NAGPA: variants seen among roughly 807,000 people sequenced by gnomAD.
NAGPA encodes N-acetylglucosamine-1-phosphodiester alpha-N-acetylglucosaminidase.
NAGPA carries 56 observed loss-of-function variants against 48.5 expected under a neutral mutation model. The observed-to-expected ratio is 1.15, with a 90% CI of 0.93 to 1.44. The LOEUF (loss-of-function observed/expected upper bound fraction) is 1.44. Among genes scored for constraint, NAGPA ranks in the 40% most tolerant of loss-of-function variants. The probability of loss-of-function intolerance (pLI) is 0.00; values close to 1 mark genes in which losing one functional copy is unlikely to be tolerated. For missense variants in NAGPA, 888 were observed against 735.0 expected (o/e 1.21, Z -2.41); for synonymous variants, 399 against 315.5 (o/e 1.26, Z -2.81).
At position 5,033,704 on chromosome 16, in the gene NAGPA, T is replaced by G; in HGVS notation, c.111A>C (p.Leu37=). ...GCGCGCGCGCGCGTGGATAGGGCAG[T>G]AGCAAGTCGTCGTCGCGGGAGGCCC... ...DSGASRDDDL[L]LPYPRARARL... is the part of the protein sequence containing the mutation. The change falls in exon 2 of 10, where the codon CTA becomes CTC. Residue 37 remains leucine, a synonymous_variant. Transcript: ENST00000312251. The surrounding 1 kb of genome is among the most constrained non-coding windows in gnomAD (Gnocchi z 4.2). The G allele has an allele frequency of 6.2e-7, 1 of 1,602,040 alleles. No homozygotes were observed. Among genetic ancestry groups the G allele is most frequent in the Non-Finnish European group, 8.5e-7 (1 of 1,177,574 alleles).
Position 5,028,965 on chromosome 16 carries a change from C to A in NAGPA, c.835G>T (p.Val279Leu), listed in dbSNP as rs770833107. 1 of 1,613,984 alleles carries A rather than the reference C, an allele frequency of 6.2e-7. No homozygotes were observed. Among genetic ancestry groups the A allele is most frequent in the South Asian group, 1.1e-5 (1 of 91,086 alleles). The change falls in exon 5 of 10, where the codon GTG becomes TTG. Residue 279 changes from valine (V) to leucine (L), a missense_variant. Transcript: ENST00000312251. The stretch of plus-strand genomic sequence containing the variant: ...CCATCCAGGTTGATGGCGTTGACCA[C>A]GTCCTGTTTCAGCAGGAACTCCGCC... The part of the protein sequence containing the change: ...EMAEFLLKQD[V>L]VNAINLDGGG...
In NAGPA at chr16:5,033,707, C is replaced by A; in HGVS notation, c.108G>T (p.Leu36Phe). ...CGCGCGCGCGTGGATAGGGCAGTAG[C>A]AAGTCGTCGTCGCGGGAGGCCCTGC... Reference protein sequence around the residue: ...LDSGASRDDDLLLPYPRARAR... With the variant: ...LDSGASRDDDFLLPYPRARAR... The change falls in exon 2 of 10, where the codon TTG (leucine) becomes TTT (phenylalanine). Residue 36 changes from leucine (L) to phenylalanine (F), a missense_variant. Transcript: ENST00000312251. The surrounding 1 kb of genome is among the most constrained non-coding windows in gnomAD (Gnocchi z 4.2). 1 of 1,602,908 alleles carries A rather than the reference C, an allele frequency of 6.2e-7. No homozygotes were observed. Among genetic ancestry groups the A allele is most frequent in the Non-Finnish European group, 8.5e-7 (1 of 1,177,652 alleles).
intron 3 of NAGPA, chr16:5,030,757 G>C: frequency 3.8e-6 from 2 of 523,118 alleles, no homozygotes; most frequent in South Asian, 2.0e-5. Context: ...AAAATCCAAA[G>C]AGCCAGCATG....
chr16:5,033,208 G>T lies in NAGPA; in HGVS notation c.542+65C>A. 6.6e-7 allele frequency: 1 copy of T among 1,521,424 alleles called. No homozygotes were observed. Among genetic ancestry groups the T allele is most frequent in the Non-Finnish European group, 8.8e-7 (1 of 1,133,358 alleles). 94.2% of individuals were successfully genotyped at this position (1,521,424 alleles called of 1,614,324 possible). A position where few individuals can be genotyped will look rare whatever the true frequency, so the allele number is the denominator to read the frequency against. ...TTGGTTAAGTGACTTGAACACGGAG[G>T]CACGGCTACAACCCAAATCTCAGGC... On this transcript the variant is annotated intron_variant, in intron 2 of 9. Coordinates refer to ENST00000312251, the MANE Select transcript of NAGPA (RefSeq NM_016256.4). This position sits in a 1 kb window ranked among gnomAD's most constrained non-coding sequence, Gnocchi z 4.2.
chr16:5,027,089 G>C (rs1387209782), intron 9 of NAGPA, 46 bp downstream of exon 9: 3 of 1,603,684 alleles, frequency 1.9e-6, no homozygotes, highest in Non-Finnish European at 8.5e-7. Context: ...CGGGAGAGAA[G>C]GGGGATTCCT....
In NAGPA at chr16:5,028,079, C is replaced by T. The variant is rs138879372; in HGVS notation, c.1027G>A (p.Gly343Arg). The T allele has an allele frequency of 8.7e-6, 14 of 1,613,328 alleles. No homozygotes were observed. The highest frequency in any genetic ancestry group is 6.7e-5 in the African/African-American group (5 of 74,906). Residue 343 changes from glycine (G) to arginine (R), a missense_variant, in exon 6 of 10, where the codon GGG (glycine) becomes AGG (arginine). Coordinates refer to ENST00000312251, the MANE Select transcript of NAGPA (RefSeq NM_016256.4). Reference protein sequence around the residue: ...DCHGHGTCVDGHCQCTGHFWR... With the variant: ...DCHGHGTCVDRHCQCTGHFWR... The stretch of plus-strand genomic sequence containing the variant: ...AAGTGCCCGGTGCATTGGCAGTGCC[C>T]GTCCACGCAGGTCCCGTGGCCGTGG...
At position 5,033,360 on chromosome 16, in the gene NAGPA, A is replaced by G. The variant is rs189630368; in HGVS notation, c.455T>C (p.Val152Ala). ...RMNSGECLGN[V>A]VSDERRVSSS... is the part of the protein sequence containing the mutation. ...GCTCACCCGCCGCTCGTCGCTCACC[A>G]CGTTCCCCAGGCACTCGCCCGAGTT... The change falls in exon 2 of 10, where the codon GTG (valine) becomes GCG (alanine). Residue 152 changes from valine (V) to alanine (A), a missense_variant. Val to Ala is a moderately conservative substitution (Grantham distance 64). Transcript: ENST00000312251. The surrounding 1 kb of genome is among the most constrained non-coding windows in gnomAD (Gnocchi z 4.2). 2.1e-4 allele frequency: 333 copies of G among 1,597,848 alleles called. No individual in the cohort carries two copies. In the Middle Eastern group the frequency reaches 3.8e-3, roughly 18 times the overall value.
At chr16:5,032,002 C>A (rs559757417) in intron 2 of NAGPA, 118 bp from the exon 3 acceptor site, 1 of 1,342,038 alleles carries the variant, frequency 7.5e-7, no homozygotes, top group Admixed American at 1.8e-5. Flanking sequence ...CCCCAGGAAC[C>A]TCCTGGGGCC....
intron 4 of NAGPA, chr16:5,030,051 A>G: frequency 4.3e-6 from 2 of 462,988 alleles, no homozygotes; most frequent in Middle Eastern, 1.3e-3. Flanking sequence ...AGGCCGAGGG[A>G]CTTGTCTACG....
chr16:5,029,104 T>C (rs1956058008), intron 4 of NAGPA, 96 bp from the exon 5 acceptor site: 1 of 1,586,148 alleles, frequency 6.3e-7, no homozygotes, highest in African/African-American at 1.3e-5. Flanking sequence ...ACGCCCACAG[T>C]GCAGGCACAT....
chr16:5,033,292 C>T lies in NAGPA; in HGVS notation c.523G>A (p.Asp175Asn), dbSNP rs757997546. The T allele has an allele frequency of 6.3e-7, 1 of 1,595,456 alleles. No homozygotes were observed. The highest frequency in any genetic ancestry group is 8.5e-7 in the Non-Finnish European group (1 of 1,178,800). Residue 175 changes from aspartate (D) to asparagine (N), a missense_variant, in exon 2 of 10, where the codon GAC (aspartate) becomes AAC (asparagine). Coordinates refer to ENST00000312251, the MANE Select transcript of NAGPA (RefSeq NM_016256.4). This position sits in a 1 kb window ranked among gnomAD's most constrained non-coding sequence, Gnocchi z 4.2. ...LQNAQFGIRRDGTLVTGYLSE... is the reference protein window; with the variant it reads ...LQNAQFGIRRNGTLVTGYLSE... ...CCTCACCCGGTGACCAGGGTCCCGT[C>T]GCGGCGGATCCCGAACTGCGCGTTC...
chr16:5,032,501 C>CT (rs905669700), intron 2 of NAGPA, among the ~76,000 whole-genome samples: 4 of 151,242 alleles, frequency 2.6e-5, no homozygotes, highest in African/African-American at 9.7e-5. Context: ...GTTCCCCACC[C>CT]CATCCCGTCT....
At position 5,033,656 on chromosome 16, in the gene NAGPA, C is replaced by G; in HGVS notation, c.159G>C (p.Arg53=). 6.3e-7 allele frequency: 1 copy of G among 1,579,506 alleles called. No homozygotes were observed. The highest frequency in any genetic ancestry group is 8.6e-7 in the Non-Finnish European group (1 of 1,168,882). ...ARARLPRDCT[R]VRAGNREHES... ...CGTGCTCGCGGTTGCCGGCGCGCAC[C>G]CGTGTGCAGTCCCGGGGGAGGCGCG... Residue 53 remains arginine (R), a synonymous_variant, in exon 2 of 10, where the codon CGG becomes CGC. Transcript: ENST00000312251. This position sits in a 1 kb window ranked among gnomAD's most constrained non-coding sequence, Gnocchi z 4.2.
chr16:5,026,664 G>A (rs910545083), intron 9 of NAGPA, among the ~76,000 whole-genome samples: 1 of 152,204 alleles, frequency 6.6e-6, no homozygotes, highest in African/African-American at 2.4e-5. Context: ...GGGAGGCCAA[G>A]GTGGGAGGAT....
intron 8 of NAGPA, 40 bp from the exon 9 acceptor site, chr16:5,027,238 G>A (rs1956018193): frequency 1.2e-6 from 2 of 1,614,060 alleles, no homozygotes; most frequent in Non-Finnish European, 1.7e-6. Flanking sequence ...GCCGGAGCAG[G>A]AGCGTCTGCC....
rs1956034496 is a variant in NAGPA at position 5,028,023 on chromosome 16, G to A, written c.1083C>T (p.Asp361=). The stretch of plus-strand genomic sequence containing the variant: ...GCTGGCTGCAGTTAGAGGGGCCACA[G>A]TCCAGCTCATCACAGCCGGGACCCC... ...FWRGPGCDEL[D]CGPSNCSQHG... is the part of the protein sequence containing the mutation. The change falls in exon 6 of 10, where the codon GAC becomes GAT. Residue 361 remains aspartate, a synonymous_variant. Coordinates refer to ENST00000312251, the MANE Select transcript of NAGPA (RefSeq NM_016256.4). The A allele has an allele frequency of 6.2e-7, 1 of 1,611,600 alleles. No homozygotes were observed. Among genetic ancestry groups the A allele is most frequent in the Non-Finnish European group, 8.5e-7 (1 of 1,178,932 alleles).
At chr16:5,030,793 G>A in intron 3 of NAGPA, 1 of 475,936 alleles carries the variant, frequency 2.1e-6, no homozygotes. Flanking sequence ...TCCTCCTCCT[G>A]CCTCAGCTCC....
In NAGPA at chr16:5,027,113, C is replaced by T. The variant is rs373442179; in HGVS notation, c.1340+22G>A. The T allele has an allele frequency of 1.2e-4, 198 of 1,613,890 alleles. No homozygotes were observed. The African/African-American group carries it at 2.2e-3, about 18-fold the overall frequency. On this transcript the variant is annotated intron_variant, in intron 9 of 9. Coordinates refer to ENST00000312251, the MANE Select transcript of NAGPA (RefSeq NM_016256.4). ...AGGGGGATTCCTCCCGCCCTGGCCC[C>T]AGCTCCCACAGAAGCACCTACCTGG...
At chr16:5,032,012 C>G in intron 2 of NAGPA, 128 bp from the exon 3 acceptor site, 1 of 1,225,204 alleles carries the variant, frequency 8.2e-7, no homozygotes, top group Admixed American at 1.9e-5. Context: ...CTCCTGGGGC[C>G]TGAGTGTAGC....
Sources: gnomAD v4.1 joint callset for allele counts (sites outside exome capture counted in the v4.1 genomes callset) on GRCh38, gnomAD v4.1.1 for gene constraint, Gnocchi (gnomAD v3.1) non-coding constraint, MANE v1.5 for transcripts, NCBI Gene and HGNC (gene_info 2026-07-23, HGNC 2026-07-21) for gene names.